JAZF1: variants seen among roughly 807,000 people sequenced by gnomAD.
JAZF1 encodes the protein JAZF zinc finger 1, also known as juxtaposed with another zinc finger protein 1.
Under a neutral mutation model 26.4 loss-of-function variants are expected in JAZF1, and 8 were observed. The observed-to-expected ratio is 0.30, with a 90% CI of 0.18 to 0.55. The LOEUF (loss-of-function observed/expected upper bound fraction) is 0.55, where lower values mean the gene tolerates loss of function less well. Among genes scored for constraint, JAZF1 ranks in the 20% least tolerant of loss-of-function variants. JAZF1 has a pLI of 0.94. For missense variants in JAZF1, 199 were observed against 322.0 expected (o/e 0.62, Z 2.92); for synonymous variants, 126 against 122.3 (o/e 1.03, Z -0.20).
chr7:27,868,875 G>C (rs1489782550), intron 3 of JAZF1, among the ~76,000 whole-genome samples: 1 of 152,150 alleles, frequency 6.6e-6, no homozygotes, highest in East Asian at 1.9e-4. Context: ...GCCTGACAGA[G>C]AGCAGTAGCT....
At chr7:28,116,479 C>T (rs1784744244) in intron 1 of JAZF1, among the ~76,000 whole-genome samples, 1 of 152,158 alleles carries the variant, frequency 6.6e-6, no homozygotes, top group South Asian at 2.1e-4. Context: ...GAGTCTCGCC[C>T]TGTCACCCAG....
chr7:28,128,521 T>A (rs1172336330), intron 1 of JAZF1, among the ~76,000 whole-genome samples: 1 of 151,982 alleles, frequency 6.6e-6, no homozygotes, highest in Non-Finnish European at 1.5e-5. Context: ...GTCTAAAAAA[T>A]AAATAATAAA....
intron 1 of JAZF1, among the ~76,000 whole-genome samples, chr7:28,056,135 G>C (rs545637262): frequency 6.6e-6 from 1 of 151,888 alleles, no homozygotes; most frequent in South Asian, 2.1e-4. Flanking sequence ...TAAATATCTA[G>C]TGAGTGACTG....
At chr7:28,141,322 A>G (rs1424266820) in intron 1 of JAZF1, among the ~76,000 whole-genome samples, 6 of 152,224 alleles carry the variant, frequency 3.9e-5, no homozygotes, top group South Asian at 2.1e-4. Context: ...TGGCTTTTTA[A>G]GCTATAGAGG....
At chr7:27,941,088 A>T (rs1030759496) in intron 2 of JAZF1, among the ~76,000 whole-genome samples, 1 of 152,240 alleles carries the variant, frequency 6.6e-6, no homozygotes, top group Admixed American at 6.5e-5. Flanking sequence ...TTAACAAATT[A>T]GGCACGCCTT....
At chr7:28,009,785 G>A (rs2214716) in intron 1 of JAZF1, among the ~76,000 whole-genome samples, 6,875 of 152,098 alleles carry the variant, frequency 0.045, 244 homozygotes, top group African/African-American at 0.093. Flanking sequence ...ACCCACACCC[G>A]GTCACCATTG....
chr7:27,901,998 T>C (rs1043310999), intron 2 of JAZF1, among the ~76,000 whole-genome samples: 1 of 152,164 alleles, frequency 6.6e-6, no homozygotes, highest in Non-Finnish European at 1.5e-5. Flanking sequence ...ACCTGCAATT[T>C]TGAGATCTCC....
At chr7:28,056,515 T>C (rs1783714356) in intron 1 of JAZF1, among the ~76,000 whole-genome samples, 1 of 152,036 alleles carries the variant, frequency 6.6e-6, no homozygotes, top group Admixed American at 6.6e-5. Flanking sequence ...GAATGTATTA[T>C]CTGAGTGTGA....
chr7:27,996,192 G>A (rs1786012196), intron 1 of JAZF1, among the ~76,000 whole-genome samples: 1 of 152,194 alleles, frequency 6.6e-6, no homozygotes, highest in Non-Finnish European at 1.5e-5. Flanking sequence ...CTATGCTTTA[G>A]CTGGTCTACA....
At chr7:27,908,652 C>T (rs988873390) in intron 2 of JAZF1, among the ~76,000 whole-genome samples, 3 of 152,158 alleles carry the variant, frequency 2.0e-5, no homozygotes, top group African/African-American at 7.2e-5. Context: ...AGGACAGTCA[C>T]AGCAACCAAT....
chr7:28,067,357 T>G (rs1230713258), intron 1 of JAZF1, among the ~76,000 whole-genome samples: 1 of 152,178 alleles, frequency 6.6e-6, no homozygotes, highest in Non-Finnish European at 1.5e-5. Context: ...AATCTTTATC[T>G]CTCCATTGAC....
At chr7:27,997,374 C>T (rs1019560499) in intron 1 of JAZF1, among the ~76,000 whole-genome samples, 1 of 152,102 alleles carries the variant, frequency 6.6e-6, no homozygotes, top group African/African-American at 2.4e-5. Context: ...ATGCCAACTC[C>T]ACTGCTCCCA....
At chr7:27,833,770 T>C (rs952767780) in intron 4 of JAZF1, among the ~76,000 whole-genome samples, 36 of 152,350 alleles carry the variant, frequency 2.4e-4, no homozygotes, top group African/African-American at 8.7e-4. Context: ...GTTTTGCTAG[T>C]TCACCAGCAT....
chr7:28,173,851 C>G (rs2127955249), intron 1 of JAZF1, among the ~76,000 whole-genome samples: 2 of 128,360 alleles, frequency 1.6e-5, no homozygotes, highest in South Asian at 5.2e-4. Flanking sequence ...AGGATATCCA[C>G]TAATCTGGTC....
At chr7:28,117,093 A>G (rs1280943856) in intron 1 of JAZF1, among the ~76,000 whole-genome samples, 1 of 152,178 alleles carries the variant, frequency 6.6e-6, no homozygotes, top group Non-Finnish European at 1.5e-5. Context: ...AATGAATAAG[A>G]AAGTCATTTT....
Position 27,895,419 on chromosome 7 carries a change from G to C in JAZF1, c.189-3C>G, listed in dbSNP as rs774682205. On this transcript the variant is annotated splice_region_variant and splice_polypyrimidine_tract_variant and intron_variant, in intron 2 of 4. Coordinates refer to ENST00000283928, the MANE Select transcript of JAZF1 (RefSeq NM_175061.4). ...GGCGGGCAGCATCTGTCATGAATCT[G>C]AAACAATAATGGAAGGTAAGGAACC... 6.3e-7 allele frequency: 1 copy of C among 1,590,144 alleles called. No homozygotes were observed. Among genetic ancestry groups the C allele is most frequent in the Admixed American group, 1.8e-5 (1 of 56,884 alleles).
chr7:28,127,575 T>C (rs17156446), intron 1 of JAZF1, among the ~76,000 whole-genome samples: 5,511 of 152,208 alleles, frequency 0.036, 311 homozygotes, highest in African/African-American at 0.12. Context: ...GCCAAAAAGT[T>C]TTATTTCATG....
At position 27,997,945 on chromosome 7, in the gene JAZF1, C is replaced by T. The variant is rs375975828; in HGVS notation, c.116-5964G>A. ...TAGACATTGGAGGAAAAGTCTTAAA[C>T]GTGAATGAGAGAAACCAGAACAAAC... On this transcript the variant is annotated intron_variant, in intron 1 of 4. Transcript: ENST00000283928. 1.3e-4 allele frequency among the ~76,000 whole-genome samples: 19 copies of T among 147,616 alleles called. No individual in the cohort carries two copies. In the East Asian group the frequency reaches 1.8e-3, roughly 14 times the overall value.
At chr7:27,912,690 TCCC>T (rs962818798) in intron 2 of JAZF1, among the ~76,000 whole-genome samples, 17 of 152,066 alleles carry the variant, frequency 1.1e-4, no homozygotes, top group African/African-American at 4.1e-4. Context: ...TCCAACTTTT[TCCC>T]CCCTATATAA....
Sources: gnomAD v4.1 joint callset for allele counts (sites outside exome capture counted in the v4.1 genomes callset) on GRCh38, gnomAD v4.1.1 for gene constraint, MANE v1.5 for transcripts, NCBI Gene and HGNC (gene_info 2026-07-23, HGNC 2026-07-21) for gene names.